The following CNOT6L variants were observed in gnomAD, a reference collection of about 807,000 sequenced individuals.
The protein encoded by CNOT6L is CCR4-NOT transcription complex subunit 6-like.
In CNOT6L, 7 loss-of-function variants were observed where a neutral mutation model predicts 64.0. That is an observed-to-expected ratio of 0.11 (90% confidence interval 0.06 to 0.21). The LOEUF (loss-of-function observed/expected upper bound fraction) is 0.21. Ranked by LOEUF, CNOT6L falls within the 10% of genes least tolerant of loss-of-function variation. The probability of loss-of-function intolerance (pLI) is 1.00; values close to 1 mark genes in which losing one functional copy is unlikely to be tolerated. For synonymous variants in CNOT6L, 193 were observed against 243.4 expected (o/e 0.79, Z 1.93); for missense variants, 245 against 669.0 (o/e 0.37, Z 6.99).
chr4:77,799,015 T>C (rs1039704735), intron 1 of CNOT6L, among the ~76,000 whole-genome samples: 1 of 152,104 alleles, frequency 6.6e-6, no homozygotes, highest in Admixed American at 6.6e-5. Context: ...AGCTACCATA[T>C]GACCCAGACA....
At chr4:77,747,755 A>G (rs938978688) in intron 6 of CNOT6L, among the ~76,000 whole-genome samples, 10 of 152,214 alleles carry the variant, frequency 6.6e-5, no homozygotes, top group African/African-American at 2.2e-4. Flanking sequence ...GAAATGCTAG[A>G]TTATATCCTT....
At chr4:77,748,638 C>T (rs1285313610) in intron 5 of CNOT6L, among the ~76,000 whole-genome samples, 2 of 152,042 alleles carry the variant, frequency 1.3e-5, no homozygotes, top group East Asian at 1.9e-4. Flanking sequence ...ATGGTATTTA[C>T]GAAAAGTACC....
chr4:77,817,170 A>G (rs1187992162), intron 1 of CNOT6L, among the ~76,000 whole-genome samples: 1 of 152,156 alleles, frequency 6.6e-6, no homozygotes, highest in African/African-American at 2.4e-5. Flanking sequence ...GGGCTACAAA[A>G]CGAAAATCAT....
intron 9 of CNOT6L, among the ~76,000 whole-genome samples, chr4:77,730,602 G>C (rs1463186528): frequency 6.6e-6 from 1 of 152,048 alleles, no homozygotes; most frequent in Non-Finnish European, 1.5e-5. Context: ...GCTAAGAAAA[G>C]TAAAAAGTCC....
rs10649868 is a variant in CNOT6L at position 77,794,150 on chromosome 4, CAAAAAAAAAAAAA to C, written c.6-17771_6-17759del. Reference sequence around the variant, plus strand: ...CTGGCAACAGAGTAAGACTCTGTCTCAAAAAAAAAAAAAAAAAAAAAAAAAAGATTTTAGAAAT... The same window carrying C: ...CTGGCAACAGAGTAAGACTCTGTCTCAAAAAAAAAAAAAGATTTTAGAAAT... On this transcript the variant is annotated intron_variant, in intron 1 of 11. Coordinates refer to ENST00000504123, the MANE Select transcript of CNOT6L (RefSeq NM_144571.3). 5.8e-4 allele frequency among the ~76,000 whole-genome samples: 30 copies of C among 52,026 alleles called. No homozygotes were observed. In the East Asian group the frequency reaches 0.017, roughly 30 times the overall value. 34.1% of individuals were successfully genotyped at this position (52,026 alleles called of 152,430 possible).
rs1721076792 is a variant in CNOT6L at position 77,719,535 on chromosome 4, CAAA to C, written c.*893_*895del. 6.6e-6 allele frequency: 1 copy of C among 152,454 alleles called. No homozygotes were observed. Among genetic ancestry groups the C allele is most frequent in the Non-Finnish European group, 1.5e-5 (1 of 68,010 alleles). 9.4% of individuals were successfully genotyped at this position (152,454 alleles called of 1,614,324 possible). A position where few individuals can be genotyped will look rare whatever the true frequency, so the allele number is the denominator to read the frequency against. On this transcript the variant is annotated 3_prime_UTR_variant, in exon 12 of 12. Coordinates refer to ENST00000504123, the MANE Select transcript of CNOT6L (RefSeq NM_144571.3). ...TTCTTTTAACATTTGACTATAATGG[CAAA>C]AATGACATAGGTCATATAACATCTG...
chr4:77,794,150 C>CAAAAAAAAAA lies in CNOT6L; in HGVS notation c.6-17768_6-17759dup, dbSNP rs10649868. Among the ~76,000 whole-genome samples the CAAAAAAAAAA allele has an allele frequency of 3.8e-5, 2 of 52,026 alleles. 1 individual carries two copies. The highest frequency in any genetic ancestry group is 2.0e-4 in the African/African-American group (2 of 9,874). The allele number at this position is 52,026 out of a possible 152,430, so 34.1% of individuals were successfully genotyped here. On this transcript the variant is annotated intron_variant, in intron 1 of 11. Coordinates refer to ENST00000504123, the MANE Select transcript of CNOT6L (RefSeq NM_144571.3). Reference sequence around the variant, plus strand: ...CTGGCAACAGAGTAAGACTCTGTCTCAAAAAAAAAAAAAAAAAAAAAAAAA... The same window carrying CAAAAAAAAAA: ...CTGGCAACAGAGTAAGACTCTGTCTCAAAAAAAAAAAAAAAAAAAAAAAAAAAAAAAAAAA...
chr4:77,813,430 C>T (rs1211266812), intron 1 of CNOT6L, among the ~76,000 whole-genome samples: 1 of 152,058 alleles, frequency 6.6e-6, no homozygotes, highest in Non-Finnish European at 1.5e-5. Flanking sequence ...TTCACTTCAT[C>T]AAGCTAAAAA....
In CNOT6L at chr4:77,739,601, C is replaced by T. The variant is rs144874982; in HGVS notation, c.872+2540G>A. 3.6e-3 allele frequency among the ~76,000 whole-genome samples: 555 copies of T among 152,198 alleles called. 3 individuals are homozygous for T. Among genetic ancestry groups the T allele is most frequent in the Middle Eastern group, 6.8e-3 (2 of 294 alleles). ...CATGGATAAATATCTGGTACTGGGA[C>T]AGAAGGTGGTTTTGTTCTACCTATA... On this transcript the variant is annotated intron_variant, in intron 8 of 11. Transcript: ENST00000504123.
upstream of CNOT6L, among the ~76,000 whole-genome samples, chr4:77,819,889 A>C (rs1330318001): frequency 6.6e-6 from 1 of 151,038 alleles, no homozygotes; most frequent in Non-Finnish European, 1.5e-5. Flanking sequence ...CCGGGCTTCG[A>C]GGACAGTGAC....
intron 8 of CNOT6L, among the ~76,000 whole-genome samples, chr4:77,738,481 C>A (rs1040157275): frequency 6.6e-6 from 1 of 152,096 alleles, no homozygotes; most frequent in African/African-American, 2.4e-5. Context: ...CGGCCAGGCG[C>A]GGTTGCTCAC....
chr4:77,783,150 C>CAAA (rs35634501), intron 1 of CNOT6L, among the ~76,000 whole-genome samples: 5,905 of 101,352 alleles, frequency 0.058, 417 homozygotes, highest in African/African-American at 0.066. Context: ...TGTGACCACT[C>CAAA]AAAAAAAAAA....
At chr4:77,789,226 C>T (rs968568752) in intron 1 of CNOT6L, among the ~76,000 whole-genome samples, 2 of 151,956 alleles carry the variant, frequency 1.3e-5, no homozygotes, top group East Asian at 1.9e-4. Context: ...ATAGTAAACC[C>T]TCTAACTGCT....
intron 1 of CNOT6L, among the ~76,000 whole-genome samples, chr4:77,818,774 C>G (rs1733876419): frequency 6.6e-6 from 1 of 151,918 alleles, no homozygotes; most frequent in South Asian, 2.1e-4. Context: ...CTCGCCGTCC[C>G]GGGAGGCGTC....
At chr4:77,754,703 C>T (rs1038229273) in intron 5 of CNOT6L, among the ~76,000 whole-genome samples, 2 of 151,442 alleles carry the variant, frequency 1.3e-5, no homozygotes, top group African/African-American at 4.9e-5. Context: ...TGTTACATTG[C>T]TATAAAGACT....
chr4:77,764,270 A>G (rs1264900500), intron 4 of CNOT6L, among the ~76,000 whole-genome samples: 1 of 152,226 alleles, frequency 6.6e-6, no homozygotes, highest in Non-Finnish European at 1.5e-5. Context: ...ATAATTATAT[A>G]GTAACTATAT....
intron 1 of CNOT6L, among the ~76,000 whole-genome samples, chr4:77,807,096 C>T (rs1271083236): frequency 6.6e-6 from 1 of 151,774 alleles, no homozygotes; most frequent in African/African-American, 2.4e-5. Context: ...AGGATGGTCT[C>T]GATCTCCTGA....
At chr4:77,734,085 T>C (rs1432329889) in intron 8 of CNOT6L, among the ~76,000 whole-genome samples, 2 of 152,182 alleles carry the variant, frequency 1.3e-5, no homozygotes. Context: ...TGTATTTTCA[T>C]TAATAAAGAC....
intron 7 of CNOT6L, among the ~76,000 whole-genome samples, chr4:77,744,301 A>G (rs1422284778): frequency 6.6e-6 from 1 of 152,128 alleles, no homozygotes; most frequent in African/African-American, 2.4e-5. Flanking sequence ...TTATAGTACA[A>G]TATATTAAAA....
Sources: gnomAD v4.1 joint callset for allele counts (sites outside exome capture counted in the v4.1 genomes callset) on GRCh38, gnomAD v4.1.1 for gene constraint, MANE v1.5 for transcripts, NCBI Gene and HGNC (gene_info 2026-07-23, HGNC 2026-07-21) for gene names.